GON4L: variants seen among roughly 807,000 people sequenced by gnomAD.
GON4L encodes gon-4 like, also known as GON-4-like protein.
GON4L carries 87 observed loss-of-function variants against 211.8 expected under a neutral mutation model. The ratio of observed to expected loss-of-function variants is 0.41; its 90% CI spans 0.35 to 0.49. The LOEUF is 0.49. GON4L is among the 20% of genes least tolerant of loss of function. The pLI, the probability that GON4L is intolerant of heterozygous loss-of-function variation, is 0.15. For synonymous variants in GON4L, 875 were observed against 962.6 expected, an observed-to-expected ratio of 0.91 and a Z score of 1.68; for missense variants, 2,155 against 2,659.5, an observed-to-expected ratio of 0.81 and a Z score of 4.17.
chr1:155,809,639 CTT>C (rs1298135778), intron 10 of GON4L, among the ~76,000 whole-genome samples: 3 of 60,276 alleles, frequency 5.0e-5, no homozygotes, highest in Admixed American at 2.8e-4. Context: ...AAATTATATA[CTT>C]ATATATACTT....
chr1:155,826,251 A>T (rs1669205505), intron 3 of GON4L, among the ~76,000 whole-genome samples: 1 of 151,786 alleles, frequency 6.6e-6, no homozygotes, highest in Non-Finnish European at 1.5e-5. Flanking sequence ...ACACGATTCC[A>T]TTCAAATAAA....
chr1:155,810,140 C>T (rs1410316083), intron 10 of GON4L, among the ~76,000 whole-genome samples: 3 of 150,540 alleles, frequency 2.0e-5, no homozygotes, highest in African/African-American at 7.3e-5. Flanking sequence ...GGATTACAGG[C>T]ACTTGCCACA....
intron 1 of GON4L, 115 bp from the exon 2 acceptor site, chr1:155,853,921 G>T: frequency 1.4e-6 from 1 of 714,550 alleles, no homozygotes; most frequent in Non-Finnish European, 2.3e-6. Flanking sequence ...CACACCAAAT[G>T]CACAATTTCC....
chr1:155,829,809 A>G (rs1669576302), intron 2 of GON4L, among the ~76,000 whole-genome samples: 1 of 152,114 alleles, frequency 6.6e-6, no homozygotes, highest in Admixed American at 6.6e-5. Context: ...GGGGTCCTAA[A>G]GGGCTCTAGG....
intron 13 of GON4L, chr1:155,784,320 C>A: frequency 2.6e-6 from 1 of 378,862 alleles, no homozygotes; most frequent in Non-Finnish European, 4.9e-6. Flanking sequence ...ACAGTAAGGA[C>A]AGAGCGTGGA....
intron 1 of GON4L, among the ~76,000 whole-genome samples, chr1:155,855,425 T>C (rs1390994432): frequency 6.6e-6 from 1 of 151,878 alleles, no homozygotes; most frequent in Non-Finnish European, 1.5e-5. Flanking sequence ...GGCACGAACA[T>C]AGTTCGCTGC....
At chr1:155,785,480 C>T (rs1225627315) in intron 12 of GON4L, 106 bp from the exon 13 acceptor site, 3 of 826,216 alleles carry the variant, frequency 3.6e-6, no homozygotes, top group Non-Finnish European at 6.4e-6. Flanking sequence ...ATGACAAATT[C>T]TTCATATCTA....
intron 13 of GON4L, chr1:155,784,926 A>C: frequency 9.4e-6 from 3 of 317,782 alleles, no homozygotes; most frequent in South Asian, 8.5e-5. Context: ...CAACCTGAGC[A>C]ATGTGGTAAG....
At chr1:155,780,547 C>T (rs756140837) in intron 14 of GON4L, among the ~76,000 whole-genome samples, 82 of 151,934 alleles carry the variant, frequency 5.4e-4, no homozygotes, top group Admixed American at 1.1e-3. Flanking sequence ...GAGCCGAGAT[C>T]GCGCCACTGC....
At chr1:155,792,738 C>G (rs546251677) in intron 12 of GON4L, among the ~76,000 whole-genome samples, 1 of 152,204 alleles carries the variant, frequency 6.6e-6, no homozygotes, top group Non-Finnish European at 1.5e-5. Context: ...TGTTTCTTTA[C>G]TGTTGACCAT....
chr1:155,816,333 G>C, intron 6 of GON4L, 71 bp from the exon 7 acceptor site: 1 of 762,356 alleles, frequency 1.3e-6, no homozygotes, highest in East Asian at 2.6e-5. Flanking sequence ...TACTTCCTCT[G>C]TACCATCACT....
chr1:155,814,280 T>A (rs750815768), intron 9 of GON4L, 50 bp downstream of exon 9: 11 of 1,542,710 alleles, frequency 7.1e-6, no homozygotes, highest in Non-Finnish European at 9.8e-6. Context: ...AGTTAAAAAA[T>A]CTACTTAGAC....
intron 31 of GON4L, among the ~76,000 whole-genome samples, chr1:155,751,565 A>T (rs1660588691): frequency 6.6e-6 from 1 of 152,156 alleles, no homozygotes; most frequent in South Asian, 2.1e-4. Context: ...TAAATAAATA[A>T]AAATTTAAAA....
chr1:155,757,431 AAC>A lies in GON4L; in HGVS notation c.5254-110_5254-109del, dbSNP rs998829600. 9.3e-6 allele frequency: 9 copies of A among 966,762 alleles called. No homozygotes were observed. The East Asian group carries it at 1.4e-4, about 15-fold the overall frequency. The allele number at this position is 966,762 out of a possible 1,614,324, so 59.9% of individuals were successfully genotyped here. On this transcript the variant is annotated intron_variant, in intron 25 of 31. Coordinates refer to ENST00000368331, the MANE Select transcript of GON4L (RefSeq NM_001282860.2). Reference sequence around the variant, plus strand: ...GTTCTGCTTTCCCAGTCAACTGGGAAACACACAGAGACTCTGCCTGGTAACAA... The same window carrying A: ...GTTCTGCTTTCCCAGTCAACTGGGAAACACAGAGACTCTGCCTGGTAACAA...
chr1:155,780,488 G>T (rs1415546301), intron 14 of GON4L, among the ~76,000 whole-genome samples: 3 of 152,090 alleles, frequency 2.0e-5, no homozygotes. Flanking sequence ...AGCTACTTGG[G>T]AGGCTGAGGC....
intron 6 of GON4L, 23 bp downstream of exon 6, chr1:155,820,583 C>T (rs367790868): frequency 2.5e-6 from 4 of 1,572,426 alleles, no homozygotes; most frequent in Non-Finnish European, 3.5e-6. Flanking sequence ...AAAAAACCAA[C>T]AACAAAAAAA....
intron 2 of GON4L, among the ~76,000 whole-genome samples, chr1:155,851,406 T>C (rs546418932): frequency 1.6e-4 from 24 of 147,550 alleles, no homozygotes; most frequent in African/African-American, 4.5e-4. Context: ...AATGCCTTAG[T>C]ATGAAAAACA....
At position 155,839,576 on chromosome 1, in the gene GON4L, G is replaced by A. The variant is rs367971801; in HGVS notation, c.506-12548C>T. On this transcript the variant is annotated intron_variant, in intron 2 of 31. Coordinates refer to ENST00000368331, the MANE Select transcript of GON4L (RefSeq NM_001282860.2). ...TGAGGCAGGAGAATTGCTTGAACCCGGGAGGCGGAGGTTGCAGTGAGCCAA... is the reference window on the plus strand; with the variant it reads ...TGAGGCAGGAGAATTGCTTGAACCCAGGAGGCGGAGGTTGCAGTGAGCCAA... Among the ~76,000 whole-genome samples the A allele has an allele frequency of 3.3e-5, 5 of 151,828 alleles. No homozygotes were observed. In the East Asian group the frequency reaches 5.8e-4, roughly 18 times the overall value.
At chr1:155,801,112 CAA>C (rs367752032) in intron 11 of GON4L, among the ~76,000 whole-genome samples, 65 of 73,626 alleles carry the variant, frequency 8.8e-4, no homozygotes, top group Admixed American at 2.2e-3. Flanking sequence ...TGCTGCTGCT[CAA>C]AAAAAAAAAA....
Sources: gnomAD v4.1 joint callset for allele counts (sites outside exome capture counted in the v4.1 genomes callset) on GRCh38, gnomAD v4.1.1 for gene constraint, MANE v1.5 for transcripts, NCBI Gene and HGNC (gene_info 2026-07-23, HGNC 2026-07-21) for gene names.